CCNA1: variants seen among roughly 807,000 people sequenced by gnomAD.
CCNA1 encodes the protein cyclin A1, also known as cyclin-A1.
Under a neutral mutation model 54.1 loss-of-function variants are expected in CCNA1, and 23 were observed. The ratio of observed to expected loss-of-function variants is 0.42; its 90% CI spans 0.31 to 0.60. The LOEUF (loss-of-function observed/expected upper bound fraction) is 0.60. Ranked by LOEUF, CCNA1 falls within the 20% of genes least tolerant of loss-of-function variation. CCNA1 has a pLI of 0.14. For missense variants in CCNA1, 450 were observed against 556.7 expected, an observed-to-expected ratio of 0.81 and a Z score of 1.93; for synonymous variants, 208 against 213.9, an observed-to-expected ratio of 0.97 and a Z score of 0.24.
chr13:36,438,909 G>A (rs1313162623), intron 5 of CCNA1, 42 bp downstream of exon 5: 6 of 1,437,048 alleles, frequency 4.2e-6, no homozygotes, highest in Non-Finnish European at 5.9e-6. Context: ...ACTATCACTT[G>A]TCAAAACATG....
upstream of CCNA1, chr13:36,432,357 C>G (rs1393695426): frequency 6.1e-6 from 2 of 327,436 alleles, no homozygotes; most frequent in Non-Finnish European, 1.1e-5. Context: ...TCCTTCCCGC[C>G]CCGCCCTTCC....
At chr13:36,438,438 G>GC (rs1204567140) in intron 4 of CCNA1, among the ~76,000 whole-genome samples, 6 of 151,000 alleles carry the variant, frequency 4.0e-5, no homozygotes, top group Admixed American at 2.0e-4. Context: ...ATTCTCCCCT[G>GC]CCCCCCCAAC....
In CCNA1 at chr13:36,432,950, C is replaced by A. The variant is rs1264883917; in HGVS notation, c.109-83C>A. On this transcript the variant is annotated intron_variant, in intron 1 of 8. Coordinates refer to ENST00000255465, the MANE Select transcript of CCNA1 (RefSeq NM_003914.4). ...GTTAGTCCCATTGCTTGGTGCTCTC[C>A]CTCCTAGAGGTTCGCTGTGTCCTTG... The A allele has an allele frequency of 2.0e-5, 26 of 1,318,566 alleles. No individual in the cohort carries two copies. The South Asian group carries it at 3.3e-4, about 17-fold the overall frequency. 81.7% of individuals were successfully genotyped at this position (1,318,566 alleles called of 1,614,324 possible).
chr13:36,432,930 T>A (rs977784432), intron 1 of CCNA1, 103 bp from the exon 2 acceptor site: 116 of 1,118,320 alleles, frequency 1.0e-4, no homozygotes, highest in Non-Finnish European at 1.3e-4. Context: ...TTGGTGTTAG[T>A]CCCATTGCTT....
upstream of CCNA1, chr13:36,431,895 C>A (rs1264292842): frequency 6.6e-6 from 1 of 152,634 alleles, no homozygotes; most frequent in Admixed American, 6.5e-5. Context: ...CAGGAGCGGG[C>A]CGCGCAGGAG....
At position 36,438,154 on chromosome 13, in the gene CCNA1, A is replaced by G; in HGVS notation, c.632A>G (p.Tyr211Cys). The G allele has an allele frequency of 6.2e-7, 1 of 1,613,738 alleles. No individual in the cohort carries two copies. Among genetic ancestry groups the G allele is most frequent in the Non-Finnish European group, 8.5e-7 (1 of 1,179,772 alleles). The change falls in exon 4 of 9, where the codon TAT (tyrosine) becomes TGT (cysteine). Residue 211 changes from tyrosine to cysteine, a missense_variant. This residue lies in a region of CCNA1 where 150 missense variants were observed against 219.7 expected (regional missense o/e 0.68). Coordinates refer to ENST00000255465, the MANE Select transcript of CCNA1 (RefSeq NM_003914.4). ...ACAGATGTGATAAATGTGACTGAAT[A>G]TGCTGAAGAAATTTATCAGTACCTT... is the stretch of plus-strand genomic sequence containing the variant.
At position 36,442,258 on chromosome 13, in the gene CCNA1, C is replaced by A. The variant is rs1316745879; in HGVS notation, c.1300C>A (p.Pro434Thr). ...GCTTCATAAAGCGTACCTTGATATA[C>A]CCCATCGACCTCAGCAAGCAATTAG... The change falls in exon 8 of 9, where the codon CCC becomes ACC. Residue 434 changes from proline (P) to threonine (T), a missense_variant. Pro to Thr is a conservative substitution (Grantham distance 38). Coordinates refer to ENST00000255465, the MANE Select transcript of CCNA1 (RefSeq NM_003914.4). 1.3e-5 allele frequency: 21 copies of A among 1,613,704 alleles called. No homozygotes were observed. Among genetic ancestry groups the A allele is most frequent in the Non-Finnish European group, 1.7e-5 (20 of 1,179,866 alleles).
At chr13:36,433,571 C>T (rs1427251105) in intron 2 of CCNA1, among the ~76,000 whole-genome samples, 8 of 126,678 alleles carry the variant, frequency 6.3e-5, no homozygotes, top group African/African-American at 2.2e-4. Context: ...GACGGAGTTT[C>T]GCTCTTGTCG....
At chr13:36,433,459 T>C (rs138665622) in intron 2 of CCNA1, among the ~76,000 whole-genome samples, 16 of 90,878 alleles carry the variant, frequency 1.8e-4, no homozygotes, top group Non-Finnish European at 2.8e-4. Context: ...TCTTTCTTTC[T>C]TTTCTTTCTC....
At chr13:36,435,318 C>T (rs939714648) in intron 2 of CCNA1, among the ~76,000 whole-genome samples, 5 of 152,216 alleles carry the variant, frequency 3.3e-5, no homozygotes, top group African/African-American at 1.2e-4. Context: ...TTTAGGTTGT[C>T]ATGTTCACTG....
At position 36,432,684 on chromosome 13, in the gene CCNA1, G is replaced by A; in HGVS notation, c.63G>A (p.Glu21=). The change falls in exon 1 of 9, where the codon GAG becomes GAA. Residue 21 remains glutamate (E), a synonymous_variant. Transcript: ENST00000255465. ...CTTTTATTGGGGGCTGGGGAGAAGA[G>A]TATCTCAGCTGGGAAGGACCGGGGC... The A allele has an allele frequency of 5.6e-6, 9 of 1,613,232 alleles. No individual in the cohort carries two copies. The highest frequency in any genetic ancestry group is 6.8e-6 in the Non-Finnish European group (8 of 1,179,672).
At position 36,442,751 on chromosome 13, in the gene CCNA1, T is replaced by A; in HGVS notation, c.*86T>A. 2.9e-6 allele frequency: 3 copies of A among 1,036,710 alleles called. No individual in the cohort carries two copies. The highest frequency in any genetic ancestry group is 1.3e-5 in the South Asian group (1 of 76,412). The allele number at this position is 1,036,710 out of a possible 1,614,324, so 64.2% of individuals were successfully genotyped here. On this transcript the variant is annotated 3_prime_UTR_variant, in exon 9 of 9. Coordinates refer to ENST00000255465, the MANE Select transcript of CCNA1 (RefSeq NM_003914.4). The stretch of plus-strand genomic sequence containing the variant: ...ATAGGCTTCTGCACGTTGGATCAAC[T>A]AATGTTGTTTACAATATAGATGACA...
At chr13:36,439,944 C>A in intron 5 of CCNA1, 35 bp from the exon 6 acceptor site, 1 of 1,480,018 alleles carries the variant, frequency 6.8e-7, no homozygotes, top group South Asian at 1.1e-5. Flanking sequence ...GCCAAAGGTT[C>A]TAAGTTTTAC....
chr13:36,438,585 T>C (rs2137827585), intron 4 of CCNA1, 59 bp from the exon 5 acceptor site: 1 of 1,197,398 alleles, frequency 8.4e-7, no homozygotes, highest in Non-Finnish European at 1.2e-6. Flanking sequence ...AGCAACTATA[T>C]TGTGGAATGA....
intron 7 of CCNA1, 53 bp downstream of exon 7, chr13:36,441,284 T>G (rs2055871807): frequency 9.0e-7 from 1 of 1,105,828 alleles, no homozygotes; most frequent in African/African-American, 1.5e-5. Context: ...TAGAATGGGC[T>G]TGCCTCTTAT....
At chr13:36,437,595 G>T (rs776981469) in intron 2 of CCNA1, 34 bp from the exon 3 acceptor site, 2 of 1,605,466 alleles carry the variant, frequency 1.2e-6, no homozygotes, top group East Asian at 2.2e-5. Flanking sequence ...GGTCTTTGAC[G>T]TGGCCTCTAA....
At chr13:36,433,379 T>C (rs923294107) in intron 2 of CCNA1, among the ~76,000 whole-genome samples, 158 bp downstream of exon 2, 1 of 37,272 alleles carries the variant, frequency 2.7e-5, no homozygotes, top group African/African-American at 1.7e-4. Context: ...ATTTTCTTTC[T>C]TTCTTTCTTT....
chr13:36,433,431 T>TTTCTTTCG (rs1555269924), intron 2 of CCNA1, among the ~76,000 whole-genome samples: 3 of 94,542 alleles, frequency 3.2e-5, no homozygotes, highest in Admixed American at 1.1e-4. Flanking sequence ...TCTTTCTTTC[T>TTTCTTTCG]TTCTTTCTTT....
rs139201265 is a variant in CCNA1, at chr13:36,433,796, C to T, written c.297+575C>T. 6.9e-4 allele frequency among the ~76,000 whole-genome samples: 105 copies of T among 152,284 alleles called. No individual in the cohort carries two copies. The East Asian group carries it at 0.019, about 28-fold the overall frequency. On this transcript the variant is annotated intron_variant, in intron 2 of 8. Coordinates refer to ENST00000255465, the MANE Select transcript of CCNA1 (RefSeq NM_003914.4). ...CCTCAGGTGACCCGCCCACCTCGGCCTCCCAAAGTGTTGGGATTACAGGCG... is the reference window on the plus strand; with the variant it reads ...CCTCAGGTGACCCGCCCACCTCGGCTTCCCAAAGTGTTGGGATTACAGGCG...
Sources: gnomAD v4.1 joint callset for allele counts (sites outside exome capture counted in the v4.1 genomes callset) on GRCh38, gnomAD v4.1.1 for gene constraint, gnomAD v4.1.1 regional missense constraint, MANE v1.5 for transcripts, NCBI Gene and HGNC (gene_info 2026-07-23, HGNC 2026-07-21) for gene names.